The following CHCHD6 variants were observed in gnomAD, a reference collection of about 807,000 sequenced individuals.
CHCHD6 encodes the protein coiled-coil-helix-coiled-coil-helix domain containing 6.
A neutral mutation model predicts 32.3 loss-of-function variants in CHCHD6; 28 were observed. That is an observed-to-expected ratio of 0.87 (90% CI 0.64 to 1.19). The LOEUF (loss-of-function observed/expected upper bound fraction) is 1.19, where lower values mean the gene tolerates loss of function less well. Among genes scored for constraint, CHCHD6 ranks in the 50% most tolerant of loss-of-function variants. The pLI is 0.00. For synonymous variants in CHCHD6, 122 were observed against 117.5 expected (o/e 1.04, Z -0.25); for missense variants, 333 against 307.0 (o/e 1.08, Z -0.63).
intron 5 of CHCHD6, among the ~76,000 whole-genome samples, chr3:126,893,232 G>T (rs2077790579): frequency 3.3e-5 from 5 of 152,304 alleles, no homozygotes; most frequent in Middle Eastern, 3.4e-3. Context: ...AAAGTGCTGG[G>T]ATTACAGGCA....
At chr3:126,816,306 G>A (rs961102731) in intron 4 of CHCHD6, among the ~76,000 whole-genome samples, 9 of 152,224 alleles carry the variant, frequency 5.9e-5, no homozygotes, top group Admixed American at 1.3e-4. Context: ...TCTCGTTGGC[G>A]TTGTCATATT....
At chr3:126,940,237 A>T (rs1281194673) in intron 6 of CHCHD6, among the ~76,000 whole-genome samples, 1 of 152,256 alleles carries the variant, frequency 6.6e-6, no homozygotes, top group Non-Finnish European at 1.5e-5. Context: ...GTTTGGTGAC[A>T]TCACTCCATG....
chr3:126,902,805 C>T (rs529938032), intron 5 of CHCHD6, among the ~76,000 whole-genome samples: 1 of 151,968 alleles, frequency 6.6e-6, no homozygotes, highest in East Asian at 1.9e-4. Flanking sequence ...TCGGACCTCA[C>T]ACACATGGAC....
chr3:126,713,354 A>T (rs772326623), intron 1 of CHCHD6, among the ~76,000 whole-genome samples: 4 of 152,064 alleles, frequency 2.6e-5, no homozygotes, highest in Non-Finnish European at 5.9e-5. Flanking sequence ...GTTGAGGCTG[A>T]TTGTGTCACA....
At chr3:126,715,921 C>T (rs781703005) in intron 1 of CHCHD6, among the ~76,000 whole-genome samples, 4 of 152,236 alleles carry the variant, frequency 2.6e-5, no homozygotes, top group African/African-American at 9.6e-5. Flanking sequence ...CTCTTACCTG[C>T]GCATTCAGTC....
At chr3:126,828,339 T>C (rs1559868061) in intron 4 of CHCHD6, among the ~76,000 whole-genome samples, 1 of 152,264 alleles carries the variant, frequency 6.6e-6, no homozygotes, top group Non-Finnish European at 1.5e-5. Flanking sequence ...GCTTCAGTGC[T>C]GTACTCCATG....
intron 6 of CHCHD6, among the ~76,000 whole-genome samples, chr3:126,938,322 G>A (rs759223446): frequency 2.6e-4 from 39 of 152,166 alleles, no homozygotes; most frequent in Admixed American, 2.4e-3. Context: ...CTGTGCGTTC[G>A]TTCTGTGCCA....
intron 4 of CHCHD6, among the ~76,000 whole-genome samples, chr3:126,816,427 A>G (rs754101392): frequency 1.3e-5 from 2 of 152,258 alleles, no homozygotes; most frequent in Middle Eastern, 3.4e-3. Context: ...CACAACCCAC[A>G]TTTTGCTAAG....
At chr3:126,753,678 C>A (rs977061273) in intron 4 of CHCHD6, among the ~76,000 whole-genome samples, 2 of 152,222 alleles carry the variant, frequency 1.3e-5, no homozygotes, top group South Asian at 4.1e-4. Flanking sequence ...GGTGTACAGG[C>A]GCATTGCCCA....
At position 126,798,312 on chromosome 3, in the gene CHCHD6, A is replaced by G. The variant is rs76993383; in HGVS notation, c.412-54335A>G. Among the ~76,000 whole-genome samples the G allele has an allele frequency of 3.3e-3, 504 of 152,174 alleles. 5 individuals carry two copies. The highest frequency in any genetic ancestry group is 0.011 in the African/African-American group (470 of 41,530). On this transcript the variant is annotated intron_variant, in intron 4 of 7. Transcript: ENST00000290913. Reference sequence around the variant, plus strand: ...AGTGGCTTGTATTCTTTGACCATCCACTTAGAAATGGAGTGGGAGACACCT... The same window carrying G: ...AGTGGCTTGTATTCTTTGACCATCCGCTTAGAAATGGAGTGGGAGACACCT...
At chr3:126,733,561 G>C (rs139526869) in intron 4 of CHCHD6, among the ~76,000 whole-genome samples, 2 of 152,212 alleles carry the variant, frequency 1.3e-5, no homozygotes, top group Non-Finnish European at 2.9e-5. Context: ...TGTCAGGAGC[G>C]TGTGAGGGCA....
At chr3:126,813,726 A>G (rs751138661) in intron 4 of CHCHD6, among the ~76,000 whole-genome samples, 1 of 152,232 alleles carries the variant, frequency 6.6e-6, no homozygotes, top group Non-Finnish European at 1.5e-5. Context: ...CACTGAATCC[A>G]GGGTCCACCC....
rs1171424679 is a variant in CHCHD6, at chr3:126,960,253, G to A, written c.*52G>A. ...CAGTGACTTGGAGCCCTGAAGAAGG[G>A]ACCAATCATGGGACCACAGCCACTG... On this transcript the variant is annotated 3_prime_UTR_variant, in exon 8 of 8. Transcript: ENST00000290913. The A allele has an allele frequency of 6.5e-6, 10 of 1,549,280 alleles. No individual in the cohort carries two copies. The highest frequency in any genetic ancestry group is 8.7e-6 in the Non-Finnish European group (10 of 1,145,630).
intron 4 of CHCHD6, among the ~76,000 whole-genome samples, chr3:126,788,531 G>A (rs553278061): frequency 3.7e-4 from 57 of 152,182 alleles, no homozygotes; most frequent in African/African-American, 1.3e-3. Context: ...CAGGGATTCA[G>A]CTTCTTCCTG....
rs572507930 is a variant in CHCHD6 at position 126,817,670 on chromosome 3, C to A, written c.412-34977C>A. 2.0e-5 allele frequency among the ~76,000 whole-genome samples: 3 copies of A among 152,324 alleles called. No individual in the cohort carries two copies. The South Asian group carries it at 6.2e-4, about 32-fold the overall frequency. On this transcript the variant is annotated intron_variant, in intron 4 of 7. Transcript: ENST00000290913. Reference sequence around the variant, plus strand: ...CACTCTCCCTCTGCTGAACCTGATGCAGTTACTAGCTCCGTAGGTAGCACT... The same window carrying A: ...CACTCTCCCTCTGCTGAACCTGATGAAGTTACTAGCTCCGTAGGTAGCACT...
At chr3:126,799,611 G>A (rs889371381) in intron 4 of CHCHD6, among the ~76,000 whole-genome samples, 4 of 152,148 alleles carry the variant, frequency 2.6e-5, no homozygotes, top group Admixed American at 6.5e-5. Flanking sequence ...CTCAGAGCTC[G>A]CATCGCCCCA....
In CHCHD6 at chr3:126,852,774, AG is replaced by A. The variant is rs756786259; in HGVS notation, c.495+46del. 6 of 1,361,228 alleles carry A rather than the reference AG, an allele frequency of 4.4e-6. No individual in the cohort carries two copies. The South Asian group carries it at 5.9e-5, about 13-fold the overall frequency. 84.3% of individuals were successfully genotyped at this position (1,361,228 alleles called of 1,614,324 possible). On this transcript the variant is annotated intron_variant, in intron 5 of 7. Transcript: ENST00000290913. ...TGCATTCCTCGGGGCCAGGTCCTAAAGGCATCTGACCAGAACACATCACTGT... is the reference window on the plus strand; with the variant it reads ...TGCATTCCTCGGGGCCAGGTCCTAAAGCATCTGACCAGAACACATCACTGT...
chr3:126,768,867 G>A (rs1937482985), intron 4 of CHCHD6, among the ~76,000 whole-genome samples: 1 of 152,046 alleles, frequency 6.6e-6, no homozygotes, highest in African/African-American at 2.4e-5. Context: ...TATGTCCTTT[G>A]CCCACTTCTT....
chr3:126,718,019 T>C lies in CHCHD6; in HGVS notation c.88-9059T>C, dbSNP rs559161827. ...AGGGTAGCGGCAGGGAAGAGGCCCC[T>C]TTCCTTGGTGTCCCCCTGTTACTCC... On this transcript the variant is annotated intron_variant, in intron 1 of 7. Transcript: ENST00000290913. Among the ~76,000 whole-genome samples the C allele has an allele frequency of 5.9e-5, 9 of 152,298 alleles. No homozygotes were observed. The South Asian group carries it at 1.7e-3, about 28-fold the overall frequency.
Sources: allele counts gnomAD v4.1 joint callset (sites outside exome capture counted in the v4.1 genomes callset), GRCh38; gene constraint gnomAD v4.1.1; transcripts MANE v1.5; gene names NCBI Gene and HGNC (gene_info 2026-07-23, HGNC 2026-07-21).